EPHA3: variants seen among roughly 807,000 people sequenced by gnomAD.
EPHA3 encodes EPH receptor A3.
In EPHA3, 42 loss-of-function variants were observed where a neutral mutation model predicts 107.1. The ratio of observed to expected loss-of-function variants is 0.39; its 90% CI spans 0.31 to 0.51. The LOEUF (loss-of-function observed/expected upper bound fraction) is 0.51, where lower values mean the gene tolerates loss of function less well. EPHA3 is among the 20% of genes least tolerant of loss of function. The pLI, the probability that EPHA3 is intolerant of heterozygous loss-of-function variation, is 0.78. For synonymous variants in EPHA3, 461 were observed against 424.8 expected (o/e 1.09, Z -1.05); for missense variants, 1,183 against 1,211.2 (o/e 0.98, Z 0.35).
chr3:89,272,354 T>G (rs1486265698), intron 3 of EPHA3, among the ~76,000 whole-genome samples: 1 of 151,884 alleles, frequency 6.6e-6, no homozygotes, highest in Non-Finnish European at 1.5e-5. Context: ...TAAAAATATT[T>G]TATAAGTCAT....
chr3:89,142,185 A>G (rs1704446321), intron 2 of EPHA3, among the ~76,000 whole-genome samples: 1 of 151,494 alleles, frequency 6.6e-6, no homozygotes. Flanking sequence ...ATTTTAAACA[A>G]TAATAGCCTT....
At chr3:89,379,777 G>T (rs964685983) in intron 5 of EPHA3, among the ~76,000 whole-genome samples, 2 of 152,096 alleles carry the variant, frequency 1.3e-5, no homozygotes, top group African/African-American at 4.8e-5. Context: ...CTTATTTTCT[G>T]AAATACTATA....
Position 89,481,367 on chromosome 3 carries a change from C to T in EPHA3, c.*1865C>T, listed in dbSNP as rs1290700625. Reference sequence around the variant, plus strand: ...AGAGCATGAAATTTTTAAAAATACACTTGTGATTATAAAATTAATCACAAA... The same window carrying T: ...AGAGCATGAAATTTTTAAAAATACATTTGTGATTATAAAATTAATCACAAA... On this transcript the variant is annotated 3_prime_UTR_variant, in exon 17 of 17. Coordinates refer to ENST00000336596, the MANE Select transcript of EPHA3 (RefSeq NM_005233.6). 4.3e-6 allele frequency: 1 copy of T among 231,996 alleles called. No individual in the cohort carries two copies. The highest frequency in any genetic ancestry group is 6.1e-5 in the East Asian group (1 of 16,366). The allele number at this position is 231,996 out of a possible 1,614,324, so 14.4% of individuals were successfully genotyped here. A position where few individuals can be genotyped will look rare whatever the true frequency, so the allele number is the denominator to read the frequency against.
intron 5 of EPHA3, among the ~76,000 whole-genome samples, chr3:89,383,940 A>G (rs146347366): frequency 0.016 from 2,432 of 151,782 alleles, 68 homozygotes; most frequent in African/African-American, 0.055. Context: ...GAGCCACCGC[A>G]CCTAGCCAGT....
chr3:89,184,869 C>T (rs923237954), intron 2 of EPHA3, among the ~76,000 whole-genome samples: 8 of 152,014 alleles, frequency 5.3e-5, no homozygotes, highest in Admixed American at 2.0e-4. Flanking sequence ...CTACTGCTCC[C>T]AGGACTAAAT....
intron 3 of EPHA3, among the ~76,000 whole-genome samples, chr3:89,329,669 A>G (rs1054636125): frequency 4.6e-5 from 7 of 152,240 alleles, no homozygotes; most frequent in Admixed American, 1.3e-4. Context: ...GGTTATCTCT[A>G]TATTTATAAA....
At chr3:89,211,938 G>A (rs1016162179) in intron 3 of EPHA3, among the ~76,000 whole-genome samples, 3 of 151,570 alleles carry the variant, frequency 2.0e-5, no homozygotes, top group Admixed American at 6.6e-5. Context: ...AATAAAGGAG[G>A]GTAGAAAGAA....
rs114402077 is a variant in EPHA3 at position 89,421,416 on chromosome 3, A to G, written c.2074+2026A>G. Among the ~76,000 whole-genome samples the G allele has an allele frequency of 9.7e-3, 1,467 of 151,410 alleles. 27 individuals are homozygous for G. Among genetic ancestry groups the G allele is most frequent in the African/African-American group, 0.034 (1,403 of 41,448 alleles). ...ACAATAGGTCTTTCTTTAGTATTTG[A>G]TTCATTAAATTGAATACACTTTTCA... On this transcript the variant is annotated intron_variant, in intron 11 of 16. Coordinates refer to ENST00000336596, the MANE Select transcript of EPHA3 (RefSeq NM_005233.6).
intron 5 of EPHA3, among the ~76,000 whole-genome samples, chr3:89,388,487 C>A (rs959995321): frequency 2.0e-5 from 3 of 151,960 alleles, no homozygotes; most frequent in Non-Finnish European, 2.9e-5. Flanking sequence ...ATTATATTAG[C>A]AAAGGATTTT....
intron 3 of EPHA3, among the ~76,000 whole-genome samples, chr3:89,299,798 A>G (rs778962605): frequency 3.3e-5 from 5 of 152,020 alleles, no homozygotes; most frequent in Non-Finnish European, 7.4e-5. Context: ...TTTGTCTAAC[A>G]CTGTATATGA....
chr3:89,283,433 A>G (rs1705996393), intron 3 of EPHA3, among the ~76,000 whole-genome samples: 1 of 152,114 alleles, frequency 6.6e-6, no homozygotes, highest in African/African-American at 2.4e-5. Flanking sequence ...ATAATATTAT[A>G]AGGGAAGAAA....
intron 2 of EPHA3, among the ~76,000 whole-genome samples, chr3:89,130,713 C>A (rs1403331258): frequency 1.3e-5 from 2 of 151,670 alleles, no homozygotes; most frequent in African/African-American, 4.8e-5. Flanking sequence ...CGGCTCACTG[C>A]AAGCTCCGCC....
At chr3:89,478,916 C>T (rs752027348) in intron 16 of EPHA3, among the ~76,000 whole-genome samples, 10 of 152,272 alleles carry the variant, frequency 6.6e-5, no homozygotes, top group South Asian at 2.1e-4. Context: ...CATAATTGCT[C>T]CAGTCTCTAG....
intron 2 of EPHA3, among the ~76,000 whole-genome samples, chr3:89,160,589 T>TGTGG (rs371399940): frequency 0.043 from 6,187 of 145,014 alleles, 194 homozygotes; most frequent in Middle Eastern, 0.059. Flanking sequence ...TGTGTGTGTG[T>TGTGG]GCGCGCATTC....
chr3:89,218,110 C>G (rs959683938), intron 3 of EPHA3, among the ~76,000 whole-genome samples: 1 of 152,032 alleles, frequency 6.6e-6, no homozygotes, highest in African/African-American at 2.4e-5. Context: ...GGATATAGTT[C>G]TGGCTGTAAA....
chr3:89,142,446 C>T (rs1284813182), intron 2 of EPHA3, among the ~76,000 whole-genome samples: 2 of 151,338 alleles, frequency 1.3e-5, no homozygotes, highest in African/African-American at 4.8e-5. Flanking sequence ...AATGAGCTAA[C>T]TTTTGTGGCC....
chr3:89,118,295 G>T lies in EPHA3; in HGVS notation c.89-8914G>T, dbSNP rs192325222. ...ACTAGTTAATCCATGCTTAACAATGGTTTTTTTCTATATTTTCAGATACAA... is the reference window on the plus strand; with the variant it reads ...ACTAGTTAATCCATGCTTAACAATGTTTTTTTTCTATATTTTCAGATACAA... On this transcript the variant is annotated intron_variant, in intron 1 of 16. Coordinates refer to ENST00000336596, the MANE Select transcript of EPHA3 (RefSeq NM_005233.6). 1.5e-3 allele frequency among the ~76,000 whole-genome samples: 229 copies of T among 151,682 alleles called. 1 individual carries two copies. Among genetic ancestry groups the T allele is most frequent in the African/African-American group, 5.2e-3 (217 of 41,422 alleles).
intron 3 of EPHA3, among the ~76,000 whole-genome samples, chr3:89,281,164 C>G (rs1339135424): frequency 6.6e-6 from 1 of 152,096 alleles, no homozygotes; most frequent in Non-Finnish European, 1.5e-5. Flanking sequence ...GCTGGGACTA[C>G]AGGCCCACGC....
intron 3 of EPHA3, among the ~76,000 whole-genome samples, chr3:89,319,144 G>A (rs543331597): frequency 6.6e-6 from 1 of 151,868 alleles, no homozygotes; most frequent in Non-Finnish European, 1.5e-5. Flanking sequence ...TGATATTCTG[G>A]TCTAAATGCC....
Sources: allele counts gnomAD v4.1 joint callset (sites outside exome capture counted in the v4.1 genomes callset), GRCh38; gene constraint gnomAD v4.1.1; transcripts MANE v1.5; gene names NCBI Gene and HGNC (gene_info 2026-07-23, HGNC 2026-07-21).